The following MTR variants were observed in gnomAD, a reference collection of about 807,000 sequenced individuals.
MTR encodes the protein 5-methyltetrahydrofolate-homocysteine methyltransferase, also known as methionine synthase.
Under a neutral mutation model 154.8 loss-of-function variants are expected in MTR, and 84 were observed. The ratio of observed to expected loss-of-function variants is 0.54; its 90% confidence interval spans 0.45 to 0.65. MTR has a LOEUF of 0.65. MTR is among the 30% of genes least tolerant of loss of function. The pLI is 0.00. For missense variants in MTR, 1,275 were observed against 1,570.2 expected (o/e 0.81, Z 3.18); for synonymous variants, 554 against 553.9 (o/e 1.00, Z 0.00).
Position 236,898,027 on chromosome 1 carries a change from C to T in MTR, c.*383C>T. Reference sequence around the variant, plus strand: ...CTTTTTTTCCTCTTAGAAGAAAAGCCTGAAACTGAGTTGAATAGAGAAGTG... The same window carrying T: ...CTTTTTTTCCTCTTAGAAGAAAAGCTTGAAACTGAGTTGAATAGAGAAGTG... On this transcript the variant is annotated 3_prime_UTR_variant, in exon 33 of 33. Coordinates refer to ENST00000366577, the MANE Select transcript of MTR (RefSeq NM_000254.3). 1 of 250,340 alleles carries T rather than the reference C, an allele frequency of 4.0e-6. No homozygotes were observed. 15.5% of individuals were successfully genotyped at this position (250,340 alleles called of 1,614,324 possible). A position where few individuals can be genotyped will look rare whatever the true frequency, so the allele number is the denominator to read the frequency against.
In MTR at chr1:236,821,422, A is replaced by G. The variant is rs115121720; in HGVS notation, c.765-2697A>G. Among the ~76,000 whole-genome samples the G allele has an allele frequency of 3.9e-3, 599 of 152,344 alleles. 4 individuals are homozygous for G. The highest frequency in any genetic ancestry group is 0.014 in the African/African-American group (567 of 41,582). On this transcript the variant is annotated intron_variant, in intron 8 of 32. Coordinates refer to ENST00000366577, the MANE Select transcript of MTR (RefSeq NM_000254.3). ...GTTTCATTGGCATTTAAATTTCAAC[A>G]TGAATTTTGGCATGGACAAACCACA...
Position 236,900,197 on chromosome 1 carries a change from G to T in MTR, c.*2553G>T. 2.5e-6 allele frequency: 1 copy of T among 406,822 alleles called. No individual in the cohort carries two copies. Among genetic ancestry groups the T allele is most frequent in the South Asian group, 1.8e-5 (1 of 55,028 alleles). The allele number at this position is 406,822 out of a possible 1,614,324, so 25.2% of individuals were successfully genotyped here. A position where few individuals can be genotyped will look rare whatever the true frequency, so the allele number is the denominator to read the frequency against. ...CTACAGGAAAATAGGTGAATAATTA[G>T]ATATATATATTCATTCTACGGGATA... On this transcript the variant is annotated 3_prime_UTR_variant, in exon 33 of 33. Coordinates refer to ENST00000366577, the MANE Select transcript of MTR (RefSeq NM_000254.3).
chr1:236,880,932 C>A, intron 25 of MTR, 96 bp downstream of exon 25: 1 of 1,244,746 alleles, frequency 8.0e-7, no homozygotes, highest in Non-Finnish European at 1.2e-6. Context: ...TTATTCAGTT[C>A]TACTAAATAA....
chr1:236,895,465 C>A lies in MTR; in HGVS notation c.3513C>A (p.Ile1171=). ...ADLRRLRYKG[I]RPAPGYPSQP... Reference sequence around the variant, plus strand: ...TGCGCAGGCTGCGGTACAAGGGCATCCGCCCGGCTCCTGGCTACCCCAGCC... The same window carrying A: ...TGCGCAGGCTGCGGTACAAGGGCATACGCCCGGCTCCTGGCTACCCCAGCC... Residue 1171 remains isoleucine, a synonymous_variant, in exon 31 of 33, where the codon ATC becomes ATA. Transcript: ENST00000366577. 2 of 1,597,688 alleles carry A rather than the reference C, an allele frequency of 1.3e-6. No individual in the cohort carries two copies. Among genetic ancestry groups the A allele is most frequent in the East Asian group, 2.3e-5 (1 of 44,168 alleles).
chr1:236,886,862 G>T (rs980431277), intron 27 of MTR, among the ~76,000 whole-genome samples: 11 of 152,188 alleles, frequency 7.2e-5, no homozygotes, highest in African/African-American at 2.4e-4. Flanking sequence ...TCTAAAATGG[G>T]AAACGCCTTT....
chr1:236,852,601 A>T lies in MTR; in HGVS notation c.1776A>T (p.Glu592Asp). Residue 592 changes from glutamate to aspartate, a missense_variant, in exon 17 of 33, where the codon GAA becomes GAT. Physicochemically the swap from Glu to Asp is conservative, Grantham distance 45 (BLOSUM62 2). Transcript: ENST00000366577. ...TCCGAGGAATGGAAGCCATTCGAGA[A>T]GCAATGCATGGGGTTTTCCTTTACC... ...FSFRGMEAIR[E>D]AMHGVFLYHA... The T allele has an allele frequency of 6.2e-7, 1 of 1,614,078 alleles. No homozygotes were observed. The highest frequency in any genetic ancestry group is 8.5e-7 in the Non-Finnish European group (1 of 1,179,954).
intron 2 of MTR, among the ~76,000 whole-genome samples, chr1:236,805,460 C>T (rs1660926660): frequency 6.6e-6 from 1 of 151,944 alleles, no homozygotes; most frequent in South Asian, 2.1e-4. Flanking sequence ...CATTGTGTGC[C>T]AGACATTTGA....
At chr1:236,815,915 C>T (rs898485277) in intron 7 of MTR, among the ~76,000 whole-genome samples, 2 of 152,108 alleles carry the variant, frequency 1.3e-5, no homozygotes, top group East Asian at 1.9e-4. Context: ...TGTATTGGTC[C>T]TTGAAGCCAA....
At chr1:236,881,212 C>CAA (rs1288328702) in intron 25 of MTR, among the ~76,000 whole-genome samples, 1 of 152,046 alleles carries the variant, frequency 6.6e-6, no homozygotes, top group Non-Finnish European at 1.5e-5. Flanking sequence ...AAAACAAACT[C>CAA]AAAAGTGTCC....
chr1:236,888,286 T>C (rs946467946), intron 27 of MTR, among the ~76,000 whole-genome samples: 7 of 152,178 alleles, frequency 4.6e-5, no homozygotes, highest in African/African-American at 1.7e-4. Context: ...AATCCTGCCA[T>C]GTCAGACCAG....
intron 2 of MTR, among the ~76,000 whole-genome samples, chr1:236,805,341 A>G (rs1660920321): frequency 1.3e-5 from 2 of 151,860 alleles, no homozygotes; most frequent in South Asian, 4.1e-4. Context: ...AGACTGAACA[A>G]TTGTGGTCAG....
chr1:236,898,142 T>C lies in MTR; in HGVS notation c.*498T>C, dbSNP rs2147967527. ...GATTCTGACGGGGAAGGTGTAGCTC[T>C]GTTCTCTTCGGAAGACCTCGTTTTC... On this transcript the variant is annotated 3_prime_UTR_variant, in exon 33 of 33. Transcript: ENST00000366577. The C allele has an allele frequency of 6.0e-6, 1 of 166,196 alleles. No individual in the cohort carries two copies. Among genetic ancestry groups the C allele is most frequent in the Middle Eastern group, 3.1e-3 (1 of 324 alleles). 10.3% of individuals were successfully genotyped at this position (166,196 alleles called of 1,614,324 possible). A position where few individuals can be genotyped will look rare whatever the true frequency, so the allele number is the denominator to read the frequency against.
intron 28 of MTR, among the ~76,000 whole-genome samples, chr1:236,889,919 A>G (rs1017740260): frequency 1.3e-5 from 2 of 152,090 alleles, no homozygotes; most frequent in African/African-American, 2.4e-5. Flanking sequence ...GGGAATGGGG[A>G]TTTAGGGTGA....
At chr1:236,844,471 T>A (rs771397542) in intron 15 of MTR, among the ~76,000 whole-genome samples, 4,636 of 63,588 alleles carry the variant, frequency 0.073, 179 homozygotes, top group African/African-American at 0.15. Context: ...TGTGTGTGTG[T>A]GTGTGTGTGT....
In MTR at chr1:236,874,708, TAAA is replaced by T; in HGVS notation, c.2474-6_2474-4del. The T allele has an allele frequency of 8.2e-7, 1 of 1,223,412 alleles. No homozygotes were observed. The highest frequency in any genetic ancestry group is 1.8e-5 in the African/African-American group (1 of 56,780). 75.8% of individuals were successfully genotyped at this position (1,223,412 alleles called of 1,614,324 possible). Reference sequence around the variant, plus strand: ...ACTGTCCTTTTTGTCCTTTTTTTTTTAAAAAAAAAAAAAATAGATATAATTGGC... The same window carrying T: ...ACTGTCCTTTTTGTCCTTTTTTTTTTAAAAAAAAAAATAGATATAATTGGC... On this transcript the variant is annotated splice_polypyrimidine_tract_variant and intron_variant, in intron 23 of 32. Coordinates refer to ENST00000366577, the MANE Select transcript of MTR (RefSeq NM_000254.3).
intron 5 of MTR, among the ~76,000 whole-genome samples, chr1:236,812,398 T>C (rs1043644436): frequency 6.6e-6 from 1 of 152,198 alleles, no homozygotes; most frequent in Non-Finnish European, 1.5e-5. Context: ...TCTTAACCGG[T>C]TGATTGAAAT....
intron 3 of MTR, among the ~76,000 whole-genome samples, chr1:236,807,243 G>A (rs1297274222): frequency 2.6e-5 from 4 of 151,966 alleles, no homozygotes; most frequent in African/African-American, 9.7e-5. Flanking sequence ...GAGTGATCTC[G>A]GCTCACTGCA....
rs188978680 is a variant in MTR, at chr1:236,897,617, A to G, written c.3771A>G (p.Gly1257=). ...TGGCTGAGGTTGAGAAATGGCTTGG[A>G]CCCATTTTGGGATATGATACAGACT... ...ISVAEVEKWL[G]PILGYDTD The change falls in exon 33 of 33, where the codon GGA becomes GGG. Residue 1257 remains glycine (G), a synonymous_variant. Transcript: ENST00000366577. 6.2e-7 allele frequency: 1 copy of G among 1,612,358 alleles called. No homozygotes were observed. Among genetic ancestry groups the G allele is most frequent in the Non-Finnish European group, 8.5e-7 (1 of 1,179,510 alleles).
intron 32 of MTR, 121 bp from the exon 33 acceptor site, chr1:236,897,437 G>C: frequency 2.0e-6 from 2 of 984,750 alleles, no homozygotes; most frequent in Non-Finnish European, 1.6e-6. Context: ...ATTTAACTCT[G>C]TAGATTGCTA....
Sources: gnomAD v4.1 joint callset for allele counts (sites outside exome capture counted in the v4.1 genomes callset) on GRCh38, gnomAD v4.1.1 for gene constraint, MANE v1.5 for transcripts, NCBI Gene and HGNC (gene_info 2026-07-23, HGNC 2026-07-21) for gene names.